Variants in FIRRM observed in about 807,000 individuals in gnomAD.
FIRRM encodes the protein FIGNL1-interacting regulator of recombination and mitosis.
the FIRRM span, among the ~76,000 whole-genome samples, chr1:169,791,361 A>T: frequency 1.3e-5 from 2 of 152,356 alleles, no homozygotes; most frequent in East Asian, 3.9e-4. Flanking sequence ...ATGCTTTTTA[A>T]TAATGTATAT....
chr1:169,801,004 A>G, the FIRRM span: 10 of 1,106,184 alleles, frequency 9.0e-6, no homozygotes, highest in African/African-American at 7.9e-5. Flanking sequence ...TACATGTTAT[A>G]AGGAATCTAG....
chr1:169,819,107 C>T, the FIRRM span, among the ~76,000 whole-genome samples: 11 of 152,140 alleles, frequency 7.2e-5, no homozygotes, highest in Admixed American at 5.2e-4. Flanking sequence ...AAAATAGATC[C>T]GCCAAAATTA....
the FIRRM span, among the ~76,000 whole-genome samples, chr1:169,812,385 A>G: frequency 6.6e-6 from 1 of 152,216 alleles, no homozygotes; most frequent in African/African-American, 2.4e-5. Context: ...GAATGGTATG[A>G]TCTTTGGAGG....
chr1:169,821,395 TTCAGA>T, the FIRRM span, among the ~76,000 whole-genome samples: 1 of 152,186 alleles, frequency 6.6e-6, no homozygotes, highest in African/African-American at 2.4e-5. Flanking sequence ...TTCTTTCACT[TTCAGA>T]TCAACTGAGA....
At chr1:169,800,238 G>T in the FIRRM span, among the ~76,000 whole-genome samples, 1 of 151,668 alleles carries the variant, frequency 6.6e-6, no homozygotes, top group Non-Finnish European at 1.5e-5. Flanking sequence ...TAGACATGAG[G>T]TCTTGTCATG....
the FIRRM span, among the ~76,000 whole-genome samples, chr1:169,784,284 T>C: frequency 6.6e-6 from 1 of 152,196 alleles, no homozygotes; most frequent in East Asian, 1.9e-4. Context: ...CCTTGCACTC[T>C]TGCCAACCCT....
chr1:169,795,011 C>G, the FIRRM span: 1 of 991,022 alleles, frequency 1.0e-6, no homozygotes, highest in Admixed American at 2.1e-5. Context: ...GGTTTTGGAG[C>G]CGGCGGAGAG....
the FIRRM span, chr1:169,795,053 G>A: frequency 6.9e-7 from 1 of 1,439,688 alleles, no homozygotes; most frequent in Non-Finnish European, 9.4e-7. Flanking sequence ...GCGAGTTTCC[G>A]GTCTGGGCTT....
chr1:169,833,426 G>C, the FIRRM span, among the ~76,000 whole-genome samples: 1 of 152,202 alleles, frequency 6.6e-6, no homozygotes, highest in Non-Finnish European at 1.5e-5. Flanking sequence ...ATGGTCCTCG[G>C]TTTGAATCCT....
the FIRRM span, among the ~76,000 whole-genome samples, chr1:169,799,990 C>G: frequency 6.6e-6 from 1 of 152,108 alleles, no homozygotes; most frequent in African/African-American, 2.4e-5. Context: ...TTCTAAAGTG[C>G]TGTGATTACA....
chr1:169,794,904 C>A, the FIRRM span: 1 of 575,524 alleles, frequency 1.7e-6, no homozygotes, highest in South Asian at 2.1e-5. Context: ...AATCGCGCAC[C>A]AGTGAGTCGA....
At chr1:169,817,296 C>CA in the FIRRM span, among the ~76,000 whole-genome samples, 1 of 152,230 alleles carries the variant, frequency 6.6e-6, no homozygotes, top group East Asian at 1.9e-4. Flanking sequence ...AAGCACCTGT[C>CA]AAAGTCCTGT....
the FIRRM span, among the ~76,000 whole-genome samples, chr1:169,794,472 CA>C: frequency 6.6e-6 from 1 of 152,128 alleles, no homozygotes; most frequent in Admixed American, 6.5e-5. Flanking sequence ...GGTGGCAGAG[CA>C]AACGCAAACT....
the FIRRM span, among the ~76,000 whole-genome samples, chr1:169,817,473 C>T: frequency 6.6e-6 from 1 of 152,142 alleles, no homozygotes; most frequent in Non-Finnish European, 1.5e-5. Flanking sequence ...TAAGTCATAT[C>T]AGAATTATAG....
At chr1:169,838,607 A>G in the FIRRM span, among the ~76,000 whole-genome samples, 1 of 152,120 alleles carries the variant, frequency 6.6e-6, no homozygotes. Context: ...ATCCTGCCTC[A>G]GCCTCCAGAG....
the FIRRM span, chr1:169,784,986 T>A: frequency 3.9e-5 from 6 of 152,262 alleles, no homozygotes; most frequent in African/African-American, 7.2e-5. Context: ...TTCTGTTTAG[T>A]CTGCCAGTAT....
the FIRRM span, chr1:169,847,859 A>G: frequency 8.3e-7 from 1 of 1,201,920 alleles, no homozygotes; most frequent in Non-Finnish European, 1.2e-6. Context: ...TATAAGAGTT[A>G]GTGATTAAGG....
At chr1:169,810,834 A>ATTTTTTTTTTTTTTTTTTTTT in the FIRRM span, among the ~76,000 whole-genome samples, 4 of 61,206 alleles carry the variant, frequency 6.5e-5, 1 homozygote, top group African/African-American at 1.4e-4. Flanking sequence ...TTAGCCCCCA[A>ATTTTTTTTTTTTTTTTTTTTT]TTTTTTTTTT....
At chr1:169,812,972 ATT>A in the FIRRM span, among the ~76,000 whole-genome samples, 1 of 152,180 alleles carries the variant, frequency 6.6e-6, no homozygotes. Context: ...ATCATATTCC[ATT>A]AGCGAACCAT....
Sources: gnomAD v4.1 joint callset for allele counts (sites outside exome capture counted in the v4.1 genomes callset) on GRCh38, gnomAD v4.1.1 for gene constraint, MANE v1.5 for transcripts, NCBI Gene and HGNC (gene_info 2026-07-23, HGNC 2026-07-21) for gene names.